ATM: variants seen among roughly 807,000 people sequenced by gnomAD.
ATM encodes ATM serine/threonine kinase, also known as serine-protein kinase ATM.
A neutral mutation model predicts 387.0 loss-of-function variants in ATM; 308 were observed. That is an observed-to-expected ratio of 0.80 (90% CI 0.73 to 0.87). The LOEUF is 0.87. Among genes scored for constraint, ATM ranks in the 40% least tolerant of loss-of-function variants. ATM has a pLI of 0.00. For synonymous variants in ATM, 1,156 were observed against 1,187.3 expected, an observed-to-expected ratio of 0.97 and a Z score of 0.54; for missense variants, 3,312 against 3,560.9, an observed-to-expected ratio of 0.93 and a Z score of 1.78.
chr11:108,340,943 T>C (rs954029023), intron 56 of ATM, among the ~76,000 whole-genome samples: 1 of 152,224 alleles, frequency 6.6e-6, no homozygotes, highest in Non-Finnish European at 1.5e-5. Context: ...TTGAGGTTTT[T>C]TTGGTGAATA....
rs568571599 is a variant in ATM at position 108,295,213 on chromosome 11, C to G, written c.4909+154C>G. 3.6e-5 allele frequency: 34 copies of G among 950,210 alleles called. No homozygotes were observed. The African/African-American group carries it at 4.4e-4, about 12-fold the overall frequency. 58.9% of individuals were successfully genotyped at this position (950,210 alleles called of 1,614,324 possible). On this transcript the variant is annotated intron_variant, in intron 32 of 62. Coordinates refer to ENST00000675843, the MANE Select transcript of ATM (RefSeq NM_000051.4). ...TTTCTCATCTAACTGTAAAACTGGT[C>G]CTAACTGGTCTTCTCACCCTGAACT...
At chr11:108,228,944 G>A (rs2078871365) in intron 3 of ATM, among the ~76,000 whole-genome samples, 1 of 152,188 alleles carries the variant, frequency 6.6e-6, no homozygotes, top group African/African-American at 2.4e-5. Context: ...AGGCAGTAAA[G>A]CAATAGAAAG....
rs769606850 is a variant in ATM, at chr11:108,327,651, C to G, written c.6982C>G (p.Pro2328Ala). Residue 2328 changes from proline to alanine, a missense_variant, in exon 48 of 63, where the codon CCC (proline) becomes GCC (alanine). Pro to Ala is a conservative substitution (Grantham distance 27). Coordinates refer to ENST00000675843, the MANE Select transcript of ATM (RefSeq NM_000051.4). ...TTTTGCCTTTCTTATACAGAACAAT[C>G]CCAGCCTAAAACTTACATACACAGA... ...KLDASCAANN[P>A]SLKLTYTECL... 6.2e-7 allele frequency: 1 copy of G among 1,613,446 alleles called. No individual in the cohort carries two copies. The highest frequency in any genetic ancestry group is 8.5e-7 in the Non-Finnish European group (1 of 1,179,544).
chr11:108,295,213 C>A, intron 32 of ATM, 154 bp downstream of exon 32: 1 of 950,210 alleles, frequency 1.1e-6, no homozygotes. Context: ...TAAAACTGGT[C>A]CTAACTGGTC....
chr11:108,279,706 A>C, intron 23 of ATM, 98 bp downstream of exon 23: 1 of 931,258 alleles, frequency 1.1e-6, no homozygotes, highest in Non-Finnish European at 1.7e-6. Flanking sequence ...TTTATAATCC[A>C]GTAGTTTACA....
intron 5 of ATM, among the ~76,000 whole-genome samples, chr11:108,239,366 T>C (rs566601079): frequency 1.3e-4 from 20 of 152,356 alleles, no homozygotes; most frequent in South Asian, 8.3e-4. Context: ...TACTTTGTTA[T>C]AGCAGCCTGA....
intron 40 of ATM, among the ~76,000 whole-genome samples, 193 bp from the exon 41 acceptor site, chr11:108,315,630 G>A (rs1378271196): frequency 6.6e-6 from 1 of 152,004 alleles, no homozygotes; most frequent in Non-Finnish European, 1.5e-5. Flanking sequence ...CATATAAGTT[G>A]TCCTGCACAG....
At chr11:108,277,612 C>T (rs1380655511) in intron 22 of ATM, among the ~76,000 whole-genome samples, 17 of 152,174 alleles carry the variant, frequency 1.1e-4, no homozygotes, top group Admixed American at 9.8e-4. Context: ...TAGTCCCTCA[C>T]GGCTTCCCTT....
chr11:108,300,711 CCAAA>C (rs766426567), intron 34 of ATM, among the ~76,000 whole-genome samples: 1 of 152,074 alleles, frequency 6.6e-6, no homozygotes, highest in Non-Finnish European at 1.5e-5. Context: ...TGGTTTCTTT[CCAAA>C]CATTTTATTA....
rs540798997 is a variant in ATM, at chr11:108,292,697, C to G, written c.4515C>G (p.Ala1505=). The G allele has an allele frequency of 6.2e-7, 1 of 1,613,790 alleles. No homozygotes were observed. The highest frequency in any genetic ancestry group is 8.5e-7 in the Non-Finnish European group (1 of 1,179,946). Residue 1505 remains alanine, a synonymous_variant, in exon 30 of 63, where the codon GCC becomes GCG. Transcript: ENST00000675843. ...TATTAAGTCAGGTTTGCCAGACAGC[C>G]GTGACTTACTGTAAGGATGCTCTAG... ...CDLLSQVCQT[A]VTYCKDALEN...
chr11:108,251,865 C>G lies in ATM; in HGVS notation c.1636C>G (p.Leu546Val), dbSNP rs2227924. The change falls in exon 11 of 63, where the codon CTG becomes GTG. Residue 546 changes from leucine (L) to valine (V), a missense_variant. This residue lies in a region of ATM where 1,791 missense variants were observed against 1,804.5 expected (regional missense o/e 0.99). Coordinates refer to ENST00000675843, the MANE Select transcript of ATM (RefSeq NM_000051.4). ...CPAVCCLTLALTTSIVPGTVK... is the reference protein window; with the variant it reads ...CPAVCCLTLAVTTSIVPGTVK... ...TGCAGTATGCTGTTTGACTTTGGCA[C>G]TGACCACCAGTATAGTTCCAGGAAC... 2.7e-3 allele frequency: 4,365 copies of G among 1,613,820 alleles called. 107 individuals are homozygous for G. The African/African-American group carries it at 0.049, about 18-fold the overall frequency.
intron 15 of ATM, among the ~76,000 whole-genome samples, chr11:108,258,240 T>C (rs1285882717): frequency 6.6e-6 from 1 of 152,204 alleles, no homozygotes; most frequent in Non-Finnish European, 1.5e-5. Context: ...AGTTGAATGG[T>C]ACATAAAGGT....
chr11:108,251,473 T>G (rs919620808), intron 10 of ATM, among the ~76,000 whole-genome samples: 51 of 152,220 alleles, frequency 3.4e-4, no homozygotes, highest in Non-Finnish European at 6.2e-4. Flanking sequence ...TTTGGAAATG[T>G]ACAATAGATT....
intron 9 of ATM, 88 bp downstream of exon 9, chr11:108,249,190 C>T (rs2080008308): frequency 1.4e-6 from 2 of 1,450,840 alleles, no homozygotes; most frequent in Non-Finnish European, 1.9e-6. Flanking sequence ...CCTTTCATCT[C>T]AACCAGAACT....
chr11:108,295,421 G>A (rs1479808540), intron 32 of ATM: 5 of 250,398 alleles, frequency 2.0e-5, no homozygotes, highest in Non-Finnish European at 3.1e-5. Context: ...TGAATTCCTG[G>A]GTACAAGGAA....
chr11:108,286,229 C>G (rs1408318320), intron 26 of ATM, among the ~76,000 whole-genome samples: 1 of 139,864 alleles, frequency 7.1e-6, no homozygotes. Flanking sequence ...AGGAGAATCA[C>G]TTGAACCCGG....
intron 15 of ATM, 140 bp from the exon 16 acceptor site, chr11:108,258,846 T>C: frequency 1.5e-6 from 1 of 676,152 alleles, no homozygotes; most frequent in Non-Finnish European, 2.6e-6. Context: ...AGAAAAGATG[T>C]GTTTTTGAAG....
In ATM at chr11:108,250,892, A is replaced by C; in HGVS notation, c.1427A>C (p.Gln476Pro). 1 of 1,614,186 alleles carries C rather than the reference A, an allele frequency of 6.2e-7. No homozygotes were observed. Among genetic ancestry groups the C allele is most frequent in the African/African-American group, 1.3e-5 (1 of 75,060 alleles). ...QDKRSNLESSQKSDLLKLWNK... is the reference protein window; with the variant it reads ...QDKRSNLESSPKSDLLKLWNK... ...AAGAGGTCAAACCTAGAAAGCTCAC[A>C]AAAGTCAGATTTATTAAAACTCTGG... The change falls in exon 10 of 63, where the codon CAA becomes CCA. Residue 476 changes from glutamine (Q) to proline (P), a missense_variant. Physicochemically the swap from Gln to Pro is moderately conservative, Grantham distance 76. Around this residue, in one of 4 missense-constraint regions of ATM, gnomAD observed 1,791 missense variants for 1,804.5 expected, o/e 0.99. Transcript: ENST00000675843.
rs2135708607 is a variant in ATM, at chr11:108,284,406, C to G, written c.3926C>G (p.Ala1309Gly). Residue 1309 changes from alanine to glycine, a missense_variant, in exon 26 of 63, where the codon GCA becomes GGA. Around this residue, in one of 4 missense-constraint regions of ATM, gnomAD observed 1,791 missense variants for 1,804.5 expected, o/e 0.99. Coordinates refer to ENST00000675843, the MANE Select transcript of ATM (RefSeq NM_000051.4). ...AYEGTRDSGM[A>G]QQRETATKVY... ...GAGGGTACCAGAGACAGTGGGATGG[C>G]ACAGCAAAGAGAGACTGCTACCAAG... 1 of 1,613,834 alleles carries G rather than the reference C, an allele frequency of 6.2e-7. No homozygotes were observed. The highest frequency in any genetic ancestry group is 8.5e-7 in the Non-Finnish European group (1 of 1,179,888).
Sources: allele counts gnomAD v4.1 joint callset (sites outside exome capture counted in the v4.1 genomes callset), GRCh38; gene constraint gnomAD v4.1.1; regional missense constraint gnomAD v4.1.1; transcripts MANE v1.5; gene names NCBI Gene and HGNC (gene_info 2026-07-23, HGNC 2026-07-21).